The following ZBTB34 variants were observed in gnomAD, a reference collection of about 807,000 sequenced individuals.
ZBTB34 encodes zinc finger and BTB domain containing 34.
In ZBTB34, 1 loss-of-function variant was observed where a neutral mutation model predicts 33.4. The ratio of observed to expected loss-of-function variants is 0.03; its 90% CI spans 0.01 to 0.14. ZBTB34 has a LOEUF of 0.14. ZBTB34 is among the 10% of genes least tolerant of loss of function. The pLI is 1.00. For missense variants in ZBTB34, 406 were observed against 657.2 expected, an observed-to-expected ratio of 0.62 and a Z score of 4.18; for synonymous variants, 283 against 253.5, an observed-to-expected ratio of 1.12 and a Z score of -1.11.
At chr9:126,871,185 GTGT>G (rs2033274057) in intron 1 of ZBTB34, among the ~76,000 whole-genome samples, 1 of 125,278 alleles carries the variant, frequency 8.0e-6, no homozygotes, top group Non-Finnish European at 1.8e-5. Flanking sequence ...TGAGGGGGGT[GTGT>G]GTGTGTGTGT....
At chr9:126,868,264 G>A (rs1356456024) in intron 1 of ZBTB34, among the ~76,000 whole-genome samples, 1 of 152,130 alleles carries the variant, frequency 6.6e-6, no homozygotes, top group Admixed American at 6.5e-5. Context: ...TAGCTTTTTT[G>A]AGTGGGATCT....
At chr9:126,863,463 C>T (rs2033166032) in intron 1 of ZBTB34, among the ~76,000 whole-genome samples, 1 of 152,156 alleles carries the variant, frequency 6.6e-6, no homozygotes. Context: ...CCATTTGAAG[C>T]ACTTGTCTAA....
exon 2 of ZBTB34, chr9:126,883,807 C>T (rs145819527): frequency 1.2e-5 from 2 of 167,288 alleles, no homozygotes; most frequent in Non-Finnish European, 2.9e-5. Context: ...AGCGTTCGCA[C>T]TGTCATGCTT....
chr9:126,870,080 T>C (rs1229609789), intron 1 of ZBTB34, among the ~76,000 whole-genome samples: 1 of 152,198 alleles, frequency 6.6e-6, no homozygotes, highest in Non-Finnish European at 1.5e-5. Flanking sequence ...AATTTGGGTG[T>C]GGTTTTTTTG....
chr9:126,881,679 C>T (rs566181593), exon 2 of ZBTB34: 3 of 167,046 alleles, frequency 1.8e-5, no homozygotes, highest in South Asian at 2.1e-4. Context: ...AGTTGGAAAC[C>T]GTTTGGAATT....
intron 1 of ZBTB34, among the ~76,000 whole-genome samples, chr9:126,863,085 G>A (rs1038236614): frequency 6.6e-5 from 10 of 152,144 alleles, no homozygotes; most frequent in African/African-American, 2.2e-4. Flanking sequence ...CATGGGAAAA[G>A]GTAAAAGTCA....
intron 1 of ZBTB34, among the ~76,000 whole-genome samples, chr9:126,863,428 C>T (rs761703748): frequency 6.6e-6 from 1 of 152,094 alleles, no homozygotes; most frequent in Non-Finnish European, 1.5e-5. Context: ...ATTTCTGCAC[C>T]GCTGTGTCCC....
At chr9:126,883,751 G>A (rs920678321) in exon 2 of ZBTB34, 3 of 167,120 alleles carry the variant, frequency 1.8e-5, no homozygotes, top group East Asian at 1.9e-4. Flanking sequence ...GCAGGGCTTC[G>A]AGGGAGGCAG....
intron 1 of ZBTB34, among the ~76,000 whole-genome samples, chr9:126,862,945 T>A (rs2033160580): frequency 6.6e-6 from 1 of 151,852 alleles, no homozygotes; most frequent in African/African-American, 2.4e-5. Context: ...AATCTGTTTT[T>A]ATCAGCTTTC....
At chr9:126,872,751 A>G (rs542137382) in intron 1 of ZBTB34, among the ~76,000 whole-genome samples, 54 of 152,300 alleles carry the variant, frequency 3.5e-4, no homozygotes, top group Non-Finnish European at 7.1e-4. Context: ...TTCTTGTTCA[A>G]GAGTGTGGCT....
chr9:126,877,401 T>G (rs188208562), intron 1 of ZBTB34, among the ~76,000 whole-genome samples: 43 of 152,380 alleles, frequency 2.8e-4, no homozygotes, highest in Non-Finnish European at 4.9e-4. Context: ...TTACGTGTTT[T>G]CTCATTGTCT....
chr9:126,882,381 T>A (rs564183634), exon 2 of ZBTB34: 9 of 167,264 alleles, frequency 5.4e-5, no homozygotes, highest in African/African-American at 2.2e-4. Flanking sequence ...CAAAAGCATG[T>A]GCTGGCAAAC....
chr9:126,875,832 G>A lies in ZBTB34; in HGVS notation c.-10-3558G>A, dbSNP rs747065525. On this transcript the variant is annotated intron_variant, in intron 1 of 1. Transcript: ENST00000319119. ...TCTGAAATAATGTTAAGTGAGAGTC[G>A]TGATGGCAGATAACCTTGTATATCT... 2.6e-5 allele frequency among the ~76,000 whole-genome samples: 4 copies of A among 152,010 alleles called. No individual in the cohort carries two copies. In the South Asian group the frequency reaches 6.2e-4, roughly 24 times the overall value.
intron 1 of ZBTB34, among the ~76,000 whole-genome samples, chr9:126,866,958 G>A (rs1206587906): frequency 6.6e-6 from 1 of 152,106 alleles, no homozygotes; most frequent in Admixed American, 6.5e-5. Context: ...AAACGTACAT[G>A]AAGGGAATGA....
Position 126,879,710 on chromosome 9 carries a change from T to A in ZBTB34, c.311T>A (p.Val104Asp). 1 of 1,613,590 alleles carries A rather than the reference T, an allele frequency of 6.2e-7. No homozygotes were observed. Among genetic ancestry groups the A allele is most frequent in the Non-Finnish European group, 8.5e-7 (1 of 1,179,900 alleles). ...ATGTCCTTGCAGCTGAAGGATGTTGTCAGTTTTCTGACTGCAGCCAGCTTT... is the reference window on the plus strand; with the variant it reads ...ATGTCCTTGCAGCTGAAGGATGTTGACAGTTTTCTGACTGCAGCCAGCTTT... The change falls in exon 2 of 2, where the codon GTC (valine) becomes GAC (aspartate). Residue 104 changes from valine to aspartate, a missense_variant. This residue lies in a region of ZBTB34 where 50 missense variants were observed against 157.9 expected (regional missense o/e 0.32). Transcript: ENST00000319119. This position sits in a 1 kb window ranked among gnomAD's most constrained non-coding sequence, Gnocchi z 6.4.
chr9:126,882,515 C>T (rs1266616181), exon 2 of ZBTB34: 1 of 167,062 alleles, frequency 6.0e-6, no homozygotes, highest in Non-Finnish European at 1.5e-5. Context: ...TGCTTCGGTA[C>T]TGTAAACTCT....
rs983795336 is a variant in ZBTB34, at chr9:126,878,877, C to A, written c.-10-513C>A. On this transcript the variant is annotated intron_variant, in intron 1 of 1. Coordinates refer to ENST00000319119, the Ensembl canonical transcript of ZBTB34. ...TAGCTGGAATTACAGGTGCACAACA[C>A]CACACCAGGCTAATTTTTGTATTTT... Among the ~76,000 whole-genome samples, 4 of 152,048 alleles carry A rather than the reference C, an allele frequency of 2.6e-5. No homozygotes were observed. In the East Asian group the frequency reaches 7.8e-4, roughly 30 times the overall value.
At chr9:126,864,761 A>G (rs2033179345) in intron 1 of ZBTB34, among the ~76,000 whole-genome samples, 1 of 152,128 alleles carries the variant, frequency 6.6e-6, no homozygotes, top group Admixed American at 6.5e-5. Context: ...TGACAGCTCA[A>G]TTTTGGTTTT....
Position 126,880,998 on chromosome 9 carries a change from A to T in ZBTB34, c.*84A>T. On this transcript the variant is annotated 3_prime_UTR_variant, in exon 2 of 2. Transcript: ENST00000319119. The surrounding 1 kb of genome is among the most constrained non-coding windows in gnomAD (Gnocchi z 6.7). ...TTTGTTGTAATCTTTGGTTTTCCCA[A>T]CCATCTGGAAATCTCTTGGTCTCTT... 1.4e-6 allele frequency: 2 copies of T among 1,417,008 alleles called. No individual in the cohort carries two copies. The highest frequency in any genetic ancestry group is 1.9e-6 in the Non-Finnish European group (2 of 1,058,184). 87.8% of individuals were successfully genotyped at this position (1,417,008 alleles called of 1,614,324 possible). A position where few individuals can be genotyped will look rare whatever the true frequency, so the allele number is the denominator to read the frequency against.
Sources: allele counts gnomAD v4.1 joint callset (sites outside exome capture counted in the v4.1 genomes callset), GRCh38; gene constraint gnomAD v4.1.1; regional missense constraint gnomAD v4.1.1; non-coding constraint Gnocchi (gnomAD v3.1); transcripts MANE v1.5; gene names NCBI Gene and HGNC (gene_info 2026-07-23, HGNC 2026-07-21).